The following CASP2 variants were observed in gnomAD, a reference collection of about 807,000 sequenced individuals.
CASP2 encodes the protein caspase 2.
A neutral mutation model predicts 54.4 loss-of-function variants in CASP2; 38 were observed. The observed-to-expected ratio is 0.70, with a 90% CI of 0.54 to 0.92. The LOEUF (loss-of-function observed/expected upper bound fraction) is 0.92. Among genes scored for constraint, CASP2 ranks in the 40% least tolerant of loss-of-function variants. The pLI, the probability that CASP2 is intolerant of heterozygous loss-of-function variation, is 0.00. For synonymous variants in CASP2, 215 were observed against 216.3 expected (o/e 0.99, Z 0.05); for missense variants, 512 against 579.6 (o/e 0.88, Z 1.20).
intron 8 of CASP2, chr7:143,303,245 C>G (rs997793376): frequency 6.6e-6 from 1 of 152,260 alleles, no homozygotes; most frequent in Non-Finnish European, 1.5e-5. Flanking sequence ...ACCTTGGAAA[C>G]AACTGATCAT....
chr7:143,304,868 T>C, intron 10 of CASP2, 72 bp from the exon 11 acceptor site: 2 of 1,610,722 alleles, frequency 1.2e-6, no homozygotes, highest in Non-Finnish European at 1.7e-6. Context: ...ATAGTCCGTC[T>C]CCCCTTCCCG....
chr7:143,291,528 G>T lies in CASP2; in HGVS notation c.75-12G>T, dbSNP rs377592126. On this transcript the variant is annotated splice_polypyrimidine_tract_variant and intron_variant, in intron 1 of 10. Coordinates refer to ENST00000310447, the MANE Select transcript of CASP2 (RefSeq NM_032982.4). ...TGACTTGACAGCCTTTCCTTCTACC[G>T]TTTATCTGTAGGATATTGGGAGTGT... The T allele has an allele frequency of 5.6e-6, 9 of 1,613,680 alleles. No individual in the cohort carries two copies. In the South Asian group the frequency reaches 9.9e-5, roughly 18 times the overall value.
chr7:143,305,257 T>G lies in CASP2; in HGVS notation c.*186T>G. 1 of 744,342 alleles carries G rather than the reference T, an allele frequency of 1.3e-6. No homozygotes were observed. Among genetic ancestry groups the G allele is most frequent in the Non-Finnish European group, 2.3e-6 (1 of 436,818 alleles). 46.1% of individuals were successfully genotyped at this position (744,342 alleles called of 1,614,324 possible). On this transcript the variant is annotated 3_prime_UTR_variant, in exon 11 of 11. Transcript: ENST00000310447. ...TGGGACTCCAGGCCAGCTCCTTTTC[T>G]GTGAAGCCCTTTGCCTGTAGAGCCA...
intron 6 of CASP2, among the ~76,000 whole-genome samples, chr7:143,298,220 C>G (rs985828057): frequency 3.3e-5 from 5 of 152,154 alleles, no homozygotes; most frequent in East Asian, 1.9e-4. Context: ...TAGAAGTGTG[C>G]TTTTTATTTT....
At chr7:143,288,617 C>A in intron 1 of CASP2, 88 bp downstream of exon 1, 1 of 1,201,810 alleles carries the variant, frequency 8.3e-7, no homozygotes. Context: ...AGCCCCCTCC[C>A]CTCGGAGCCC....
intron 4 of CASP2, among the ~76,000 whole-genome samples, chr7:143,293,785 G>C (rs147897563): frequency 6.6e-6 from 1 of 152,150 alleles, no homozygotes; most frequent in African/African-American, 2.4e-5. Context: ...CACTGCGCCC[G>C]GCCCAGGCAA....
Position 143,299,920 on chromosome 7 carries a change from T to C in CASP2, c.748-3T>C. The stretch of plus-strand genomic sequence containing the variant: ...CACAACACTAAACATTCCTTTCTTT[T>C]AGGAAATGCAAGAGAAACTGCAGAA... On this transcript the variant is annotated splice_region_variant and splice_polypyrimidine_tract_variant and intron_variant, in intron 6 of 10. Transcript: ENST00000310447. 2 of 1,614,180 alleles carry C rather than the reference T, an allele frequency of 1.2e-6. No homozygotes were observed. Among genetic ancestry groups the C allele is most frequent in the Non-Finnish European group, 8.5e-7 (1 of 1,180,024 alleles).
chr7:143,295,234 G>T (rs1407377585), intron 6 of CASP2, among the ~76,000 whole-genome samples: 1 of 152,076 alleles, frequency 6.6e-6, no homozygotes, highest in African/African-American at 2.4e-5. Context: ...TGCCATGTTG[G>T]CCAGGCTGGT....
At chr7:143,296,931 A>G (rs1310824357) in intron 6 of CASP2, among the ~76,000 whole-genome samples, 1 of 152,094 alleles carries the variant, frequency 6.6e-6, no homozygotes, top group African/African-American at 2.4e-5. Context: ...TATTGCATCT[A>G]CTTCATGAGG....
At chr7:143,304,347 A>G (rs1802005296) in intron 9 of CASP2, among the ~76,000 whole-genome samples, 1 of 152,236 alleles carries the variant, frequency 6.6e-6, no homozygotes, top group Non-Finnish European at 1.5e-5. Context: ...GTATGTTTTA[A>G]TTACAGCATA....
intron 5 of CASP2, 65 bp from the exon 6 acceptor site, chr7:143,294,532 C>G: frequency 3.4e-6 from 5 of 1,452,498 alleles, no homozygotes; most frequent in Non-Finnish European, 4.8e-6. Flanking sequence ...CTTGAAATGT[C>G]TAATCTAGCC....
At chr7:143,293,135 G>GT (rs368565808) in intron 4 of CASP2, 7,861 of 583,484 alleles carry the variant, frequency 0.013, 71 homozygotes, top group African/African-American at 0.019. Context: ...TTTTTGTTGT[G>GT]TTTTTTTTCA....
chr7:143,305,039 C>T lies in CASP2; in HGVS notation c.1327C>T (p.Leu443Phe). Residue 443 changes from leucine to phenylalanine, a missense_variant, in exon 11 of 11, where the codon CTC (leucine) becomes TTC (phenylalanine). By Grantham distance (22) the Leu-to-Phe change is conservative (BLOSUM62 0). Coordinates refer to ENST00000310447, the MANE Select transcript of CASP2 (RefSeq NM_032982.4). ...SEYCSTLCRHLYLFPGHPPT is the reference protein window; with the variant it reads ...SEYCSTLCRHFYLFPGHPPT ...ATACTGCAGCACTCTGTGCCGCCAC[C>T]TCTACCTGTTCCCAGGACACCCTCC... 1 of 1,614,240 alleles carries T rather than the reference C, an allele frequency of 6.2e-7. No individual in the cohort carries two copies. Among genetic ancestry groups the T allele is most frequent in the Non-Finnish European group, 8.5e-7 (1 of 1,180,040 alleles).
intron 5 of CASP2, 31 bp downstream of exon 5, chr7:143,294,355 G>C (rs1433945333): frequency 4.1e-6 from 6 of 1,467,250 alleles, no homozygotes; most frequent in Middle Eastern, 3.5e-4. Context: ...AAGAGGAAGA[G>C]AGTTGGGAAA....
chr7:143,292,268 A>G, intron 2 of CASP2, 32 bp from the exon 3 acceptor site: 1 of 1,609,512 alleles, frequency 6.2e-7, no homozygotes, highest in African/African-American at 1.3e-5. Context: ...AGAGAAGTAA[A>G]TATGATTTCA....
At chr7:143,298,108 T>G (rs1801809066) in intron 6 of CASP2, among the ~76,000 whole-genome samples, 1 of 152,202 alleles carries the variant, frequency 6.6e-6, no homozygotes, top group South Asian at 2.1e-4. Flanking sequence ...TAAAACACAT[T>G]TTGCTGGAGC....
chr7:143,292,068 A>G (rs1424229888), intron 2 of CASP2, among the ~76,000 whole-genome samples: 1 of 151,806 alleles, frequency 6.6e-6, no homozygotes, highest in African/African-American at 2.4e-5. Context: ...GTGAGCCACC[A>G]CACCCAGCTG....
chr7:143,305,456 G>T lies in CASP2; in HGVS notation c.*385G>T. The T allele has an allele frequency of 3.0e-6, 1 of 333,082 alleles. No individual in the cohort carries two copies. Among genetic ancestry groups the T allele is most frequent in the South Asian group, 2.7e-5 (1 of 36,826 alleles). The allele number at this position is 333,082 out of a possible 1,614,324, so 20.6% of individuals were successfully genotyped here. A position where few individuals can be genotyped will look rare whatever the true frequency, so the allele number is the denominator to read the frequency against. ...TGATTGCTTTTATTACATTAGTTAA[G>T]ATGTCTGAGAGACCATCTCCTATCT... On this transcript the variant is annotated 3_prime_UTR_variant, in exon 11 of 11. Transcript: ENST00000310447.
intron 6 of CASP2, among the ~76,000 whole-genome samples, chr7:143,299,542 C>T (rs993270337): frequency 6.6e-6 from 1 of 152,230 alleles, no homozygotes; most frequent in Admixed American, 6.5e-5. Flanking sequence ...TTCATAGCTA[C>T]ACTTTGAGTC....
Sources: gnomAD v4.1 joint callset for allele counts (sites outside exome capture counted in the v4.1 genomes callset) on GRCh38, gnomAD v4.1.1 for gene constraint, MANE v1.5 for transcripts, NCBI Gene and HGNC (gene_info 2026-07-23, HGNC 2026-07-21) for gene names.